OR5V1: variants seen among roughly 807,000 people sequenced by gnomAD.
The protein encoded by OR5V1 is olfactory receptor 5V1.
For missense variants in OR5V1, 365 were observed against 371.5 expected (o/e 0.98, Z 0.14); for synonymous variants, 134 against 143.2 (o/e 0.94, Z 0.46).
At chr6:29,363,269 T>C (rs928729902) in intron 1 of OR5V1, among the ~76,000 whole-genome samples, 11 of 152,238 alleles carry the variant, frequency 7.2e-5, no homozygotes, top group African/African-American at 2.4e-4. Context: ...AATCCCTGAA[T>C]AGACCAATAA....
intron 1 of OR5V1, among the ~76,000 whole-genome samples, chr6:29,361,017 T>A (rs1778541403): frequency 6.6e-6 from 1 of 152,064 alleles, no homozygotes; most frequent in African/African-American, 2.4e-5. Context: ...TCTAACCCAA[T>A]GCAATGAAGC....
intron 1 of OR5V1, among the ~76,000 whole-genome samples, chr6:29,363,299 A>G (rs1441186771): frequency 6.6e-6 from 1 of 152,244 alleles, no homozygotes; most frequent in Non-Finnish European, 1.5e-5. Flanking sequence ...AAATTGAGGC[A>G]GTAATTAGTA....
At position 29,355,128 on chromosome 6, in the gene OR5V1, A is replaced by G; in HGVS notation, c.*102T>C. 8.5e-7 allele frequency: 1 copy of G among 1,181,730 alleles called. No homozygotes were observed. 73.2% of individuals were successfully genotyped at this position (1,181,730 alleles called of 1,614,324 possible). ...TAGACTGGAGTGTATCAACTCTTCA[A>G]TATCTGTCCCAACATTGCAATTATC... On this transcript the variant is annotated 3_prime_UTR_variant, in exon 2 of 2. Transcript: ENST00000641768.
chr6:29,365,547 G>GA (rs1778809769), intron 1 of OR5V1, among the ~76,000 whole-genome samples: 1 of 152,064 alleles, frequency 6.6e-6, no homozygotes, highest in Non-Finnish European at 1.5e-5. Flanking sequence ...ACAAACATAT[G>GA]AAAAAAAGCT....
Position 29,355,432 on chromosome 6 carries a change from G to A in OR5V1, c.764C>T (p.Ala255Val). Residue 255 changes from alanine (A) to valine (V), a missense_variant, in exon 2 of 2, where the codon GCC becomes GTC. Ala to Val is a moderately conservative substitution (Grantham distance 64). Transcript: ENST00000641768. ...LAIVFLFYGS[A>V]IFTYVRPIST... ...GATGGGCCGTACATATGTAAAGATG[G>A]CGCTGCCATAAAAGAGAAAGACAAT... The A allele has an allele frequency of 6.2e-7, 1 of 1,613,988 alleles. No homozygotes were observed. Among genetic ancestry groups the A allele is most frequent in the Non-Finnish European group, 8.5e-7 (1 of 1,179,922 alleles).
chr6:29,364,441 C>T (rs887590771), intron 1 of OR5V1, among the ~76,000 whole-genome samples: 3 of 151,656 alleles, frequency 2.0e-5, no homozygotes, highest in African/African-American at 4.8e-5. Context: ...CTAGAAAAAA[C>T]GACTTTAAAT....
intron 1 of OR5V1, among the ~76,000 whole-genome samples, chr6:29,362,873 A>T (rs1425539517): frequency 1.3e-5 from 2 of 152,150 alleles, no homozygotes; most frequent in African/African-American, 2.4e-5. Flanking sequence ...ACCCCCTAAC[A>T]TCACAATTAA....
At chr6:29,361,844 A>G (rs1037560244) in intron 1 of OR5V1, among the ~76,000 whole-genome samples, 5 of 152,108 alleles carry the variant, frequency 3.3e-5, no homozygotes, top group Non-Finnish European at 1.5e-5. Flanking sequence ...GTAATATAAA[A>G]ACCAAAGACA....
At chr6:29,366,312 A>T (rs1441365233) in intron 1 of OR5V1, among the ~76,000 whole-genome samples, 1 of 145,150 alleles carries the variant, frequency 6.9e-6, no homozygotes. Flanking sequence ...CCTGAACTTA[A>T]AGTAAAGTAT....
Position 29,355,382 on chromosome 6 carries a change from T to C in OR5V1, c.814A>G (p.Arg272Gly), listed in dbSNP as rs749867819. ...PISTYSLKKD[R>G]LVSVLYSVVT... ...ACACTGTACAACACTGAAACCAACC[T>C]ATCTTTCTTTAATGAGTAAGTTGAG... is the stretch of plus-strand genomic sequence containing the variant. Residue 272 changes from arginine (R) to glycine (G), a missense_variant, in exon 2 of 2, where the codon AGG becomes GGG. Transcript: ENST00000641768. 41 of 1,613,862 alleles carry C rather than the reference T, an allele frequency of 2.5e-5. No individual in the cohort carries two copies. In the South Asian group the frequency reaches 4.2e-4, roughly 16 times the overall value.
At chr6:29,356,414 T>A (rs1338790614) in intron 1 of OR5V1, 137 bp from the exon 2 acceptor site, 1 of 504,286 alleles carries the variant, frequency 2.0e-6, no homozygotes, top group African/African-American at 2.0e-5. Flanking sequence ...ATGTTTCACC[T>A]GCAGATCAAA....
chr6:29,361,412 A>G (rs144444215), intron 1 of OR5V1, among the ~76,000 whole-genome samples: 114 of 152,286 alleles, frequency 7.5e-4, no homozygotes, highest in Non-Finnish European at 1.4e-3. Flanking sequence ...TCAACATCCA[A>G]ATTCAGGAAA....
At chr6:29,363,141 G>A (rs951995114) in intron 1 of OR5V1, among the ~76,000 whole-genome samples, 1 of 152,018 alleles carries the variant, frequency 6.6e-6, no homozygotes, top group Non-Finnish European at 1.5e-5. Context: ...CACAGTAATA[G>A]AAACTACCAT....
chr6:29,356,423 A>C (rs993596724), intron 1 of OR5V1, 146 bp from the exon 2 acceptor site: 1 of 495,736 alleles, frequency 2.0e-6, no homozygotes, highest in African/African-American at 2.0e-5. Flanking sequence ...CTGCAGATCA[A>C]ATCTTTTTAA....
chr6:29,365,097 T>G (rs1400989641), intron 1 of OR5V1, among the ~76,000 whole-genome samples: 5 of 152,064 alleles, frequency 3.3e-5, no homozygotes, highest in African/African-American at 1.2e-4. Context: ...GCTAGCCACA[T>G]GCAGAAAACA....
Position 29,355,968 on chromosome 6 carries a change from G to T in OR5V1, c.228C>A (p.Ser76Arg). The change falls in exon 2 of 2, where the codon AGC becomes AGA. Residue 76 changes from serine (S) to arginine (R), a missense_variant. By Grantham distance (110) the Ser-to-Arg change is moderately radical. Coordinates refer to ENST00000641768, the MANE Select transcript of OR5V1 (RefSeq NM_030876.6). ...LAFIDICYTTSNVPQMMVHLL... is the reference protein window; with the variant it reads ...LAFIDICYTTRNVPQMMVHLL... ...GGTGCACCATCATCTGGGGGACATT[G>T]CTGGTGGTGTAGCAGATGTCAATAA... 6.2e-7 allele frequency: 1 copy of T among 1,614,034 alleles called. No homozygotes were observed.
chr6:29,354,467 C>T lies in OR5V1; in HGVS notation c.*763G>A, dbSNP rs1359227066. 6.6e-6 allele frequency: 1 copy of T among 151,878 alleles called. No homozygotes were observed. The highest frequency in any genetic ancestry group is 1.5e-5 in the Non-Finnish European group (1 of 67,932). The allele number at this position is 151,878 out of a possible 1,614,324, so 9.4% of individuals were successfully genotyped here. ...ACTTTTTATTCCCCATCAAAAAACC[C>T]TTGTTTTTTCTGTATGTTTTATCTG... On this transcript the variant is annotated 3_prime_UTR_variant, in exon 2 of 2. Transcript: ENST00000641768.
In OR5V1 at chr6:29,368,814, G is replaced by C. The variant is rs1778983440; in HGVS notation, c.-265C>G. Reference sequence around the variant, plus strand: ...GACTCTACTCAGTCCCTGAAGGCCAGTGCATGGGACTGGAGTGAGTAAGGA... The same window carrying C: ...GACTCTACTCAGTCCCTGAAGGCCACTGCATGGGACTGGAGTGAGTAAGGA... On this transcript the variant is annotated 5_prime_UTR_variant, in exon 1 of 2. Transcript: ENST00000641768. 1 of 152,166 alleles carries C rather than the reference G, an allele frequency of 6.6e-6. No homozygotes were observed. Among genetic ancestry groups the C allele is most frequent in the Non-Finnish European group, 1.5e-5 (1 of 68,046 alleles). 9.4% of individuals were successfully genotyped at this position (152,166 alleles called of 1,614,324 possible). A position where few individuals can be genotyped will look rare whatever the true frequency, so the allele number is the denominator to read the frequency against.
chr6:29,364,922 A>T (rs1360474556), intron 1 of OR5V1, among the ~76,000 whole-genome samples: 1 of 151,860 alleles, frequency 6.6e-6, no homozygotes, highest in Non-Finnish European at 1.5e-5. Flanking sequence ...TGATATATAG[A>T]CCAATGGAAC....
Sources: allele counts gnomAD v4.1 joint callset (sites outside exome capture counted in the v4.1 genomes callset), GRCh38; gene constraint gnomAD v4.1.1; transcripts MANE v1.5; gene names NCBI Gene and HGNC (gene_info 2026-07-23, HGNC 2026-07-21).